The following PCDHA5 variants were observed in gnomAD, a reference collection of about 807,000 sequenced individuals.
PCDHA5 encodes the protein protocadherin alpha 5.
PCDHA5 carries 43 observed loss-of-function variants against 61.6 expected under a neutral mutation model. That is an observed-to-expected ratio of 0.70 (90% CI 0.55 to 0.90). The LOEUF (loss-of-function observed/expected upper bound fraction) is 0.90, where lower values mean the gene tolerates loss of function less well. Ranked by LOEUF, PCDHA5 falls within the 40% of genes least tolerant of loss-of-function variation. PCDHA5 has a pLI of 0.00. For missense variants in PCDHA5, 1,298 were observed against 1,222.7 expected, an observed-to-expected ratio of 1.06 and a Z score of -0.92; for synonymous variants, 627 against 543.9, an observed-to-expected ratio of 1.15 and a Z score of -2.13.
In PCDHA5 at chr5:140,823,897, A is replaced by G. The variant is rs2150130123; in HGVS notation, c.2122A>G (p.Ser708Gly). The G allele has an allele frequency of 6.2e-7, 1 of 1,613,954 alleles. No individual in the cohort carries two copies. Among genetic ancestry groups the G allele is most frequent in the Admixed American group, 1.7e-5 (1 of 60,028 alleles). ...GATCATCGCCATCTGTGCGGTGTCCAGCCTGCTGGTGCTCACGCTGCTGCT... is the reference window on the plus strand; with the variant it reads ...GATCATCGCCATCTGTGCGGTGTCCGGCCTGCTGGTGCTCACGCTGCTGCT... ...YLIIAICAVS[S>G]LLVLTLLLYT... The change falls in exon 1 of 4, where the codon AGC becomes GGC. Residue 708 changes from serine (S) to glycine (G), a missense_variant. Coordinates refer to ENST00000529859, the MANE Select transcript of PCDHA5 (RefSeq NM_018908.3).
chr5:140,883,032 C>T, intron 1 of PCDHA5: 1 of 1,614,064 alleles, frequency 6.2e-7, no homozygotes. Context: ...TTAGAGAACG[C>T]CTTCAATGGA....
rs1483756278 is a variant in PCDHA5, at chr5:140,982,223, T to TA, written c.2412-246dup. On this transcript the variant is annotated intron_variant, in intron 2 of 3. Transcript: ENST00000529859. Reference sequence around the variant, plus strand: ...TTTAGTGAGCGCCACATGGCGTTAATAAAAAACAGAATTGCCATAAAGATA... The same window carrying TA: ...TTTAGTGAGCGCCACATGGCGTTAATAAAAAAACAGAATTGCCATAAAGATA... 8.6e-6 allele frequency: 5 copies of TA among 580,096 alleles called. No homozygotes were observed. In the East Asian group the frequency reaches 1.2e-4, roughly 14 times the overall value. The allele number at this position is 580,096 out of a possible 1,614,324, so 35.9% of individuals were successfully genotyped here. A position where few individuals can be genotyped will look rare whatever the true frequency, so the allele number is the denominator to read the frequency against.
chr5:140,966,075 T>C (rs1164431515), intron 1 of PCDHA5: 1 of 153,402 alleles, frequency 6.5e-6, no homozygotes, highest in Non-Finnish European at 1.4e-5. Context: ...CCCTGCGTTG[T>C]TTCCTTTTAA....
At chr5:140,883,040 G>A (rs994931084) in intron 1 of PCDHA5, 1 of 1,614,062 alleles carries the variant, frequency 6.2e-7, no homozygotes, top group Non-Finnish European at 8.5e-7. Flanking sequence ...CGCCTTCAAT[G>A]GAACATTAGT....
At chr5:140,928,041 C>T (rs2084880685) in intron 1 of PCDHA5, 3 of 1,613,398 alleles carry the variant, frequency 1.9e-6, no homozygotes, top group Non-Finnish European at 2.5e-6. Context: ...CTAGTGCAGG[C>T]CCTTTTCAGC....
chr5:140,969,391 A>G, intron 1 of PCDHA5: 2 of 1,592,664 alleles, frequency 1.3e-6, no homozygotes, highest in South Asian at 2.3e-5. Flanking sequence ...ATCCCCCAAT[A>G]TCCTGTGATT....
rs530240100 is a variant in PCDHA5 at position 140,875,788 on chromosome 5, C to T, written c.2352+51661C>T. 5 of 1,614,194 alleles carry T rather than the reference C, an allele frequency of 3.1e-6. No individual in the cohort carries two copies. In the Admixed American group the frequency reaches 5.0e-5, roughly 16 times the overall value. The stretch of plus-strand genomic sequence containing the variant: ...GCGGAGCGCGGAGTGCAGTATCCAC[C>T]TGGAGGTGATCGTGGACAGGCCGCT... On this transcript the variant is annotated intron_variant, in intron 1 of 3. Coordinates refer to ENST00000529859, the MANE Select transcript of PCDHA5 (RefSeq NM_018908.3).
At chr5:140,831,505 C>A (rs1412107675) in intron 1 of PCDHA5, among the ~76,000 whole-genome samples, 1 of 140,118 alleles carries the variant, frequency 7.1e-6, no homozygotes. Flanking sequence ...ACACGAGCAC[C>A]ACCATGCCCC....
chr5:140,982,789 G>A (rs894929116), intron 3 of PCDHA5, among the ~76,000 whole-genome samples: 3 of 151,400 alleles, frequency 2.0e-5, no homozygotes, highest in Admixed American at 6.5e-5. Context: ...GTGCACGCAT[G>A]TGTGCATGTG....
At chr5:140,850,964 C>T in intron 1 of PCDHA5, 2 of 1,468,876 alleles carry the variant, frequency 1.4e-6, no homozygotes, top group Non-Finnish European at 1.8e-6. Flanking sequence ...TCCCAGGGGC[C>T]GTTCAAATAG....
At chr5:140,899,222 A>T (rs1377710696) in intron 1 of PCDHA5, among the ~76,000 whole-genome samples, 2 of 152,012 alleles carry the variant, frequency 1.3e-5, no homozygotes, top group Non-Finnish European at 2.9e-5. Context: ...AACTTCCAAC[A>T]CTATGTTGAA....
At chr5:140,990,792 T>C (rs1554251750) in intron 3 of PCDHA5, among the ~76,000 whole-genome samples, 2 of 152,176 alleles carry the variant, frequency 1.3e-5, no homozygotes, top group African/African-American at 4.8e-5. Flanking sequence ...CGATGAACCA[T>C]GGAATACAGA....
chr5:140,988,866 C>T (rs1364853349), intron 3 of PCDHA5: 2 of 152,170 alleles, frequency 1.3e-5, no homozygotes, highest in Non-Finnish European at 2.9e-5. Context: ...CTCATGTGCA[C>T]TCAGATGTAC....
chr5:140,871,419 C>T, intron 1 of PCDHA5: 1 of 1,613,732 alleles, frequency 6.2e-7, no homozygotes, highest in South Asian at 1.1e-5. Flanking sequence ...TGGCCTTCAG[C>T]CCCAGTCTTC....
At chr5:141,001,908 G>T (rs2098043431) in intron 3 of PCDHA5, among the ~76,000 whole-genome samples, 1 of 152,198 alleles carries the variant, frequency 6.6e-6, no homozygotes, top group Non-Finnish European at 1.5e-5. Flanking sequence ...GTTTGAAAAA[G>T]ACTGCAGTGG....
chr5:140,885,011 C>T (rs545880418), intron 1 of PCDHA5, among the ~76,000 whole-genome samples: 16 of 152,240 alleles, frequency 1.1e-4, no homozygotes, highest in Admixed American at 5.9e-4. Context: ...TGAGGCTAAT[C>T]GTAATCTTAA....
At chr5:140,842,644 G>C in intron 1 of PCDHA5, 1 of 1,595,462 alleles carries the variant, frequency 6.3e-7, no homozygotes, top group African/African-American at 1.3e-5. Context: ...CCGCCAGCTT[G>C]TCTGTGGAGG....
Position 140,982,485 on chromosome 5 carries a change from C to T in PCDHA5, c.2422C>T (p.Leu808=). 1 of 1,614,100 alleles carries T rather than the reference C, an allele frequency of 6.2e-7. No homozygotes were observed. The highest frequency in any genetic ancestry group is 8.5e-7 in the Non-Finnish European group (1 of 1,180,004). The part of the protein sequence containing the change: ...LRAGMHSSVH[L]EEAGILRAGP... ...TGTGTGTTTATTCAGCTCTGTGCAC[C>T]TAGAGGAGGCTGGCATTCTACGGGC... The change falls in exon 3 of 4, where the codon CTA becomes TTA. Residue 808 remains leucine (L), a synonymous_variant. Coordinates refer to ENST00000529859, the MANE Select transcript of PCDHA5 (RefSeq NM_018908.3).
intron 1 of PCDHA5, chr5:140,871,242 G>A: frequency 1.2e-6 from 2 of 1,613,980 alleles, no homozygotes; most frequent in Non-Finnish European, 8.5e-7. Flanking sequence ...TGGTACTCAC[G>A]CTGCTGCTGT....
Sources: gnomAD v4.1 joint callset for allele counts (sites outside exome capture counted in the v4.1 genomes callset) on GRCh38, gnomAD v4.1.1 for gene constraint, MANE v1.5 for transcripts, NCBI Gene and HGNC (gene_info 2026-07-23, HGNC 2026-07-21) for gene names.